Variants in CDK14 observed in about 807,000 individuals in gnomAD.
The protein encoded by CDK14 is cyclin-dependent kinase 14.
CDK14 carries 34 observed loss-of-function variants against 60.7 expected under a neutral mutation model. That is an observed-to-expected ratio of 0.56 (90% confidence interval 0.43 to 0.75). The LOEUF (loss-of-function observed/expected upper bound fraction) is 0.75. CDK14 is among the 30% of genes least tolerant of loss of function. CDK14 has a pLI of 0.00. For missense variants in CDK14, 482 were observed against 564.1 expected, an observed-to-expected ratio of 0.85 and a Z score of 1.47; for synonymous variants, 197 against 203.7, an observed-to-expected ratio of 0.97 and a Z score of 0.28.
intron 13 of CDK14, among the ~76,000 whole-genome samples, chr7:91,113,789 T>C (rs1371770130): frequency 6.6e-6 from 1 of 152,168 alleles, no homozygotes; most frequent in Non-Finnish European, 1.5e-5. Context: ...TAAGTGCAAC[T>C]CCTCTTGGGT....
chr7:90,824,189 G>C (rs1239237461), intron 5 of CDK14, among the ~76,000 whole-genome samples: 2 of 152,086 alleles, frequency 1.3e-5, no homozygotes, highest in Non-Finnish European at 2.9e-5. Flanking sequence ...CATGGTCTTC[G>C]AGCTGGGCAC....
Position 90,621,663 on chromosome 7 carries a change from T to TTCCTGCCTTCCTGCCTTCCTG in CDK14, c.123+17414_123+17415insTCCTGCCTTCCTGCCTTCCTG, listed in dbSNP as rs1554421126. On this transcript the variant is annotated intron_variant, in intron 2 of 14. Coordinates refer to ENST00000380050, the MANE Select transcript of CDK14 (RefSeq NM_001287135.2). ...TTCCTTCCTTCCTTCCTTCCTTCCTTCCTTCCTGCCTTCCTGCCTTCCTGC... is the reference window on the plus strand; with the variant it reads ...TTCCTTCCTTCCTTCCTTCCTTCCTTTCCTGCCTTCCTGCCTTCCTGCCTTCCTGCCTTCCTGCCTTCCTGC... 8.3e-3 allele frequency among the ~76,000 whole-genome samples: 930 copies of TTCCTGCCTTCCTGCCTTCCTG among 112,390 alleles called. 5 individuals are homozygous for TTCCTGCCTTCCTGCCTTCCTG. Among genetic ancestry groups the TTCCTGCCTTCCTGCCTTCCTG allele is most frequent in the Middle Eastern group, 0.013 (3 of 232 alleles). The allele number at this position is 112,390 out of a possible 152,430, so 73.7% of individuals were successfully genotyped here.
chr7:91,077,890 A>G (rs1442528583), intron 11 of CDK14, among the ~76,000 whole-genome samples: 1 of 152,138 alleles, frequency 6.6e-6, no homozygotes, highest in Admixed American at 6.5e-5. Flanking sequence ...GGTACCAGCT[A>G]TGAAAAGTGA....
chr7:90,997,033 A>G lies in CDK14; in HGVS notation c.1041+12792A>G, dbSNP rs187547046. ...CTCTTCCTCTCTCTCCAATGTCTAA[A>G]TATAACCCAACATTCAAAATATATG... On this transcript the variant is annotated intron_variant, in intron 10 of 14. Transcript: ENST00000380050. Among the ~76,000 whole-genome samples, 7 of 152,324 alleles carry G rather than the reference A, an allele frequency of 4.6e-5. No individual in the cohort carries two copies. In the East Asian group the frequency reaches 1.4e-3, roughly 29 times the overall value.
At chr7:91,095,153 A>T (rs1798944438) in intron 12 of CDK14, among the ~76,000 whole-genome samples, 1 of 152,258 alleles carries the variant, frequency 6.6e-6, no homozygotes, top group Admixed American at 6.5e-5. Context: ...TGAAGACAAT[A>T]AAACAGAGCA....
At chr7:90,905,403 G>A (rs1286723144) in intron 7 of CDK14, among the ~76,000 whole-genome samples, 1 of 152,022 alleles carries the variant, frequency 6.6e-6, no homozygotes, top group African/African-American at 2.4e-5. Context: ...ACTAACACCA[G>A]GAAAAACAAA....
intron 10 of CDK14, among the ~76,000 whole-genome samples, chr7:90,987,129 A>AT (rs1299162408): frequency 6.6e-6 from 1 of 151,892 alleles, no homozygotes; most frequent in African/African-American, 2.4e-5. Context: ...AACAGAAGTA[A>AT]TTTCTGTTGG....
intron 6 of CDK14, among the ~76,000 whole-genome samples, chr7:90,889,448 C>T (rs996341524): frequency 3.3e-5 from 5 of 152,050 alleles, no homozygotes; most frequent in Admixed American, 1.3e-4. Context: ...CCAGGCTGCC[C>T]GTACATTTTG....
chr7:90,678,578 C>T (rs1196796277), intron 2 of CDK14, among the ~76,000 whole-genome samples: 1 of 152,084 alleles, frequency 6.6e-6, no homozygotes, highest in Non-Finnish European at 1.5e-5. Flanking sequence ...ATTTTTTAGC[C>T]TCTTCAGGTT....
At chr7:91,194,660 G>C (rs1198264546) in intron 14 of CDK14, among the ~76,000 whole-genome samples, 1 of 151,976 alleles carries the variant, frequency 6.6e-6, no homozygotes, top group African/African-American at 2.4e-5. Context: ...CCAACAGACT[G>C]GAAAACAAAC....
chr7:91,057,663 A>G (rs1797625557), intron 11 of CDK14, among the ~76,000 whole-genome samples: 1 of 152,198 alleles, frequency 6.6e-6, no homozygotes, highest in African/African-American at 2.4e-5. Flanking sequence ...TAAATAGGGA[A>G]TCCTTTCCCC....
chr7:90,948,255 C>T (rs185000038), intron 8 of CDK14, among the ~76,000 whole-genome samples: 28 of 152,234 alleles, frequency 1.8e-4, no homozygotes, highest in Admixed American at 1.8e-3. Flanking sequence ...CCACAAGTTT[C>T]ATTAACTGAG....
At chr7:90,933,709 T>C (rs1584139892) in intron 8 of CDK14, among the ~76,000 whole-genome samples, 1 of 152,260 alleles carries the variant, frequency 6.6e-6, no homozygotes, top group East Asian at 1.9e-4. Flanking sequence ...TTTCATGAAG[T>C]TTTAAGACAA....
rs577983642 is a variant in CDK14, at chr7:90,713,916, G to T, written c.124-12651G>T. Among the ~76,000 whole-genome samples, 8 of 152,102 alleles carry T rather than the reference G, an allele frequency of 5.3e-5. No homozygotes were observed. In the South Asian group the frequency reaches 1.7e-3, roughly 32 times the overall value. On this transcript the variant is annotated intron_variant, in intron 2 of 14. Coordinates refer to ENST00000380050, the MANE Select transcript of CDK14 (RefSeq NM_001287135.2). The stretch of plus-strand genomic sequence containing the variant: ...TAATACTAGTCACCTTTCTTATGAG[G>T]TTGTTGTAGAGATTAATTGGGAAGC...
At chr7:90,798,262 T>G (rs1314423152) in intron 5 of CDK14, among the ~76,000 whole-genome samples, 1 of 150,464 alleles carries the variant, frequency 6.6e-6, no homozygotes, top group East Asian at 1.9e-4. Context: ...TTGTTATTTG[T>G]TTTTTTCTTG....
intron 6 of CDK14, among the ~76,000 whole-genome samples, chr7:90,891,187 T>C (rs1297058727): frequency 6.6e-6 from 1 of 152,180 alleles, no homozygotes; most frequent in African/African-American, 2.4e-5. Context: ...CCTCTTACCA[T>C]TGAAAGGGTG....
chr7:90,839,523 A>C (rs1032896441), intron 5 of CDK14, among the ~76,000 whole-genome samples: 1 of 152,200 alleles, frequency 6.6e-6, no homozygotes, highest in Non-Finnish European at 1.5e-5. Flanking sequence ...TCCTTAGCAT[A>C]CAGGGCTTTA....
At chr7:90,956,599 T>C (rs1025873995) in intron 9 of CDK14, among the ~76,000 whole-genome samples, 3 of 152,174 alleles carry the variant, frequency 2.0e-5, no homozygotes, top group Non-Finnish European at 2.9e-5. Flanking sequence ...ATGGCTATTT[T>C]TTTATTTTTA....
chr7:91,057,838 G>C (rs556640353), intron 11 of CDK14, among the ~76,000 whole-genome samples: 5 of 151,940 alleles, frequency 3.3e-5, no homozygotes, highest in Non-Finnish European at 7.4e-5. Context: ...GTCAGGTAGC[G>C]TGATGCCTCC....
Sources: gnomAD v4.1 joint callset for allele counts (sites outside exome capture counted in the v4.1 genomes callset) on GRCh38, gnomAD v4.1.1 for gene constraint, MANE v1.5 for transcripts, NCBI Gene and HGNC (gene_info 2026-07-23, HGNC 2026-07-21) for gene names.